Variants in ZNF365 observed in about 807,000 individuals in gnomAD.
The protein encoded by ZNF365 is zinc finger protein 365, also known as protein ZNF365.
ZNF365 carries 22 observed loss-of-function variants against 35.0 expected under a neutral mutation model. That is an observed-to-expected ratio of 0.63 (90% CI 0.45 to 0.90). The LOEUF is 0.90. Ranked by LOEUF, ZNF365 falls within the 40% of genes least tolerant of loss-of-function variation. ZNF365 has a pLI of 0.00. For missense variants in ZNF365, 448 were observed against 500.3 expected (o/e 0.90, Z 1.00); for synonymous variants, 188 against 196.2 (o/e 0.96, Z 0.35).
intron 4 of ZNF365, among the ~76,000 whole-genome samples, chr10:62,478,054 C>T (rs1199888773): frequency 6.6e-6 from 1 of 152,164 alleles, no homozygotes; most frequent in Non-Finnish European, 1.5e-5. Flanking sequence ...ACCAGAAGTC[C>T]TAAACAGTAA....
downstream of ZNF365, among the ~76,000 whole-genome samples, chr10:62,406,484 C>T (rs1839906818): frequency 6.6e-6 from 1 of 152,128 alleles, no homozygotes; most frequent in African/African-American, 2.4e-5. Flanking sequence ...TACCTTTTAT[C>T]CCTAGTATGT....
At chr10:62,416,358 C>A (rs976549299) in intron 3 of ZNF365, among the ~76,000 whole-genome samples, 2 of 152,052 alleles carry the variant, frequency 1.3e-5, no homozygotes, top group African/African-American at 4.8e-5. Context: ...GTTCTCCTAA[C>A]AAAAGAAAGG....
In ZNF365 at chr10:62,384,877, T is replaced by A. The variant is rs542363474; in HGVS notation, c.744-3519T>A. On this transcript the variant is annotated intron_variant, in intron 2 of 4. Transcript: ENST00000395254. ...GTGTAATTATGAAAGAGGTTACAAA[T>A]GCAATGTGTTTAACCCCTTTTCTTT... 2.6e-5 allele frequency among the ~76,000 whole-genome samples: 4 copies of A among 152,348 alleles called. No homozygotes were observed. In the East Asian group the frequency reaches 7.7e-4, roughly 29 times the overall value.
intron 3 of ZNF365, among the ~76,000 whole-genome samples, chr10:62,396,755 T>TTCTC (rs147517053): frequency 6.6e-5 from 10 of 150,946 alleles, no homozygotes; most frequent in East Asian, 3.9e-4. Flanking sequence ...CATGTATTTG[T>TTCTC]TCTCTCTCTC....
intron 3 of ZNF365, among the ~76,000 whole-genome samples, chr10:62,423,814 A>G (rs2132450019): frequency 6.6e-6 from 1 of 152,310 alleles, no homozygotes; most frequent in Admixed American, 6.5e-5. Flanking sequence ...TGATTTAGAG[A>G]GGAAATAATT....
chr10:62,463,842 C>A (rs1840887493), intron 4 of ZNF365, among the ~76,000 whole-genome samples: 1 of 152,166 alleles, frequency 6.6e-6, no homozygotes, highest in African/African-American at 2.4e-5. Flanking sequence ...ACTTGCTCAA[C>A]TCTGGGTAGC....
intron 3 of ZNF365, among the ~76,000 whole-genome samples, chr10:62,424,223 GC>G (rs1840217619): frequency 1.3e-5 from 2 of 152,060 alleles, no homozygotes; most frequent in African/African-American, 2.4e-5. Flanking sequence ...TCCCATTACT[GC>G]CCCCTTGCTA....
intron 3 of ZNF365, among the ~76,000 whole-genome samples, chr10:62,434,972 GCAA>G (rs1192676117): frequency 4.6e-5 from 7 of 152,160 alleles, no homozygotes; most frequent in Non-Finnish European, 2.9e-5. Flanking sequence ...TCTGGATACA[GCAA>G]TGAACAAGAT....
downstream of ZNF365, among the ~76,000 whole-genome samples, chr10:62,404,607 G>C (rs916966863): frequency 1.3e-5 from 2 of 152,134 alleles, no homozygotes; most frequent in Admixed American, 6.5e-5. Flanking sequence ...TTTGAGAGGT[G>C]ACCTTAGTCT....
At chr10:62,456,725 G>A (rs1031311565) in intron 3 of ZNF365, among the ~76,000 whole-genome samples, 20 of 152,118 alleles carry the variant, frequency 1.3e-4, no homozygotes, top group African/African-American at 4.8e-4. Context: ...CTGTAGCTCT[G>A]GTTTCATATC....
intron 3 of ZNF365, among the ~76,000 whole-genome samples, chr10:62,442,157 C>A (rs1840511919): frequency 6.6e-6 from 1 of 152,162 alleles, no homozygotes; most frequent in South Asian, 2.1e-4. Context: ...ACAGAGTGTA[C>A]TTTTCGTTTT....
chr10:62,463,464 C>T lies in ZNF365; in HGVS notation c.981+3667C>T, dbSNP rs376562245. The stretch of plus-strand genomic sequence containing the variant: ...AGCCATTGAAATGTTGAAAAGCTCC[C>T]TCACATGGGACATGTTTATCTGCAC... On this transcript the variant is annotated intron_variant, in intron 4 of 4. Transcript: ENST00000395255. 9.2e-5 allele frequency among the ~76,000 whole-genome samples: 14 copies of T among 152,336 alleles called. No homozygotes were observed. The East Asian group carries it at 2.3e-3, about 25-fold the overall frequency.
chr10:62,477,649 C>A (rs571518366), intron 4 of ZNF365, among the ~76,000 whole-genome samples: 6 of 152,302 alleles, frequency 3.9e-5, no homozygotes, highest in African/African-American at 1.4e-4. Context: ...ACATCAAAAG[C>A]TGATTTCTTC....
At chr10:62,385,501 C>T (rs572620115) in intron 2 of ZNF365, among the ~76,000 whole-genome samples, 2 of 152,282 alleles carry the variant, frequency 1.3e-5, no homozygotes, top group South Asian at 4.1e-4. Context: ...TTTTGTGATG[C>T]TAATCCCCTG....
intron 4 of ZNF365, among the ~76,000 whole-genome samples, chr10:62,460,095 C>T (rs1337457350): frequency 6.6e-6 from 1 of 152,172 alleles, no homozygotes; most frequent in African/African-American, 2.4e-5. Context: ...TTCTCTACCT[C>T]CAAACAGCTC....
At chr10:62,457,187 G>A (rs1408992616) in intron 3 of ZNF365, among the ~76,000 whole-genome samples, 1 of 152,144 alleles carries the variant, frequency 6.6e-6, no homozygotes, top group Non-Finnish European at 1.5e-5. Flanking sequence ...ACAAACATGT[G>A]TACCCTATGC....
chr10:62,428,616 A>ACAGCAG (rs1226870645), intron 3 of ZNF365, among the ~76,000 whole-genome samples: 1 of 152,202 alleles, frequency 6.6e-6, no homozygotes, highest in East Asian at 1.9e-4. Context: ...GCAGTTCTTT[A>ACAGCAG]CAGCAGCATG....
intron 4 of ZNF365, among the ~76,000 whole-genome samples, chr10:62,461,042 C>T (rs1305928278): frequency 6.6e-6 from 1 of 152,204 alleles, no homozygotes; most frequent in African/African-American, 2.4e-5. Context: ...AAAGACTTCC[C>T]TGTGCCTCTA....
At chr10:62,382,369 T>C (rs1589426900) in intron 2 of ZNF365, among the ~76,000 whole-genome samples, 2 of 152,190 alleles carry the variant, frequency 1.3e-5, no homozygotes, top group South Asian at 4.1e-4. Flanking sequence ...TGCATATAAA[T>C]GGGGTCCTCT....
Sources: gnomAD v4.1 joint callset for allele counts (sites outside exome capture counted in the v4.1 genomes callset) on GRCh38, gnomAD v4.1.1 for gene constraint, MANE v1.5 for transcripts, NCBI Gene and HGNC (gene_info 2026-07-23, HGNC 2026-07-21) for gene names.